Variants in CLEC2A observed in about 807,000 individuals in gnomAD.
CLEC2A encodes the protein keratinocyte-associated C-type lectin.
In CLEC2A, 19 loss-of-function variants were observed where a neutral mutation model predicts 18.6. That is an observed-to-expected ratio of 1.02 (90% CI 0.71 to 1.50). CLEC2A has a LOEUF of 1.50. CLEC2A is among the 40% of genes most tolerant of loss of function. The pLI, the probability that CLEC2A is intolerant of heterozygous loss-of-function variation, is 0.00. For missense variants in CLEC2A, 190 were observed against 207.9 expected (o/e 0.91, Z 0.53); for synonymous variants, 74 against 64.0 (o/e 1.16, Z -0.75).
intron 1 of CLEC2A, among the ~76,000 whole-genome samples, chr12:9,930,622 T>C (rs1175835614): frequency 5.3e-5 from 8 of 152,050 alleles, no homozygotes; most frequent in African/African-American, 1.7e-4. Flanking sequence ...ATGCATGTTT[T>C]TTTCTTATCT....
At chr12:9,905,460 T>C (rs1274050446) in intron 4 of CLEC2A, among the ~76,000 whole-genome samples, 6 of 152,174 alleles carry the variant, frequency 3.9e-5, no homozygotes, top group Non-Finnish European at 1.5e-5. Context: ...TTTGAGGAAT[T>C]GGTCTTTAGT....
rs1863390242 is a variant in CLEC2A, at chr12:9,932,357, T to C, written c.-28A>G. 2 of 1,551,238 alleles carry C rather than the reference T, an allele frequency of 1.3e-6. No individual in the cohort carries two copies. The highest frequency in any genetic ancestry group is 1.7e-6 in the Non-Finnish European group (2 of 1,146,598). On this transcript the variant is annotated 5_prime_UTR_variant, in exon 1 of 5. Coordinates refer to ENST00000455827, the MANE Select transcript of CLEC2A (RefSeq NM_001130711.2). The stretch of plus-strand genomic sequence containing the variant: ...CAAGGCGCTAACCGATGGAGATCAG[T>C]AGGAGAGGACTAGAAAGCTTTTCAT...
intron 4 of CLEC2A, among the ~76,000 whole-genome samples, chr12:9,915,878 T>TA (rs1240339965): frequency 6.6e-6 from 1 of 152,144 alleles, no homozygotes; most frequent in Non-Finnish European, 1.5e-5. Context: ...TAAAAATATA[T>TA]TTTTTAATTA....
At chr12:9,925,904 T>C (rs973280647) in intron 2 of CLEC2A, among the ~76,000 whole-genome samples, 1 of 152,172 alleles carries the variant, frequency 6.6e-6, no homozygotes, top group African/African-American at 2.4e-5. Flanking sequence ...GAATAGTCAT[T>C]GTCTCCGGGA....
At chr12:9,885,033 G>T in the CLEC2A span, 14 of 1,189,542 alleles carry the variant, frequency 1.2e-5, no homozygotes, top group Non-Finnish European at 1.5e-5. Context: ...AAGTTCTGGC[G>T]TGAGTAGTAA....
In CLEC2A at chr12:9,922,069, G is replaced by T. The variant is rs1464947774; in HGVS notation, c.303C>A (p.Asp101Glu). ...GAAGACTTTTCTGTTTTCTTACCAT[G>T]TCTTCTTGTGTATCAATCTGAGCAA... ...AELAQIDTQE[D>E]MEFLKRYAGT... The change falls in exon 3 of 5, where the codon GAC becomes GAA. Residue 101 changes from aspartate (D) to glutamate (E), a missense_variant. Asp to Glu is a conservative substitution (Grantham distance 45). Coordinates refer to ENST00000455827, the MANE Select transcript of CLEC2A (RefSeq NM_001130711.2). The T allele has an allele frequency of 6.5e-7, 1 of 1,535,204 alleles. No individual in the cohort carries two copies. Among genetic ancestry groups the T allele is most frequent in the Non-Finnish European group, 8.8e-7 (1 of 1,140,314 alleles).
chr12:9,907,018 G>T (rs557675683), intron 4 of CLEC2A, among the ~76,000 whole-genome samples: 3 of 152,248 alleles, frequency 2.0e-5, no homozygotes, highest in African/African-American at 7.2e-5. Flanking sequence ...TAACTTGATG[G>T]GGTAAGCTTA....
the CLEC2A span, among the ~76,000 whole-genome samples, chr12:9,890,751 A>G: frequency 1.3e-5 from 2 of 152,204 alleles, no homozygotes; most frequent in Admixed American, 6.5e-5. Flanking sequence ...GCTGTCTAAC[A>G]TAACCTAATC....
intron 2 of CLEC2A, among the ~76,000 whole-genome samples, chr12:9,922,516 A>G (rs1863191053): frequency 6.6e-6 from 1 of 152,170 alleles, no homozygotes; most frequent in African/African-American, 2.4e-5. Flanking sequence ...CAATGCATAA[A>G]ATGTAGCTAT....
At chr12:9,928,218 C>A (rs1211516820) in intron 1 of CLEC2A, among the ~76,000 whole-genome samples, 1 of 152,110 alleles carries the variant, frequency 6.6e-6, no homozygotes, top group Non-Finnish European at 1.5e-5. Flanking sequence ...GTAATCCCAG[C>A]ACTTTGGGAG....
the CLEC2A span, among the ~76,000 whole-genome samples, chr12:9,884,591 T>C: frequency 6.7e-6 from 1 of 148,680 alleles, no homozygotes; most frequent in Non-Finnish European, 1.5e-5. Flanking sequence ...TATGTTTACA[T>C]TGTATATATT....
intron 4 of CLEC2A, among the ~76,000 whole-genome samples, chr12:9,906,893 T>C (rs1565528280): frequency 6.6e-6 from 1 of 152,184 alleles, no homozygotes; most frequent in Non-Finnish European, 1.5e-5. Context: ...ACCTGCTGGG[T>C]TGAGTGAGTT....
chr12:9,887,408 G>A, the CLEC2A span, among the ~76,000 whole-genome samples: 3 of 152,040 alleles, frequency 2.0e-5, no homozygotes, highest in Non-Finnish European at 4.4e-5. Flanking sequence ...ATTTTTAAAC[G>A]CACCTAAAAA....
At chr12:9,889,730 A>G in the CLEC2A span, among the ~76,000 whole-genome samples, 1 of 151,906 alleles carries the variant, frequency 6.6e-6, no homozygotes, top group Admixed American at 6.6e-5. Flanking sequence ...GGTTGTGGCT[A>G]TGGAGAACTC....
At chr12:9,879,560 C>T in the CLEC2A span, among the ~76,000 whole-genome samples, 2 of 152,110 alleles carry the variant, frequency 1.3e-5, no homozygotes, top group South Asian at 4.1e-4. Flanking sequence ...GCTGCCTTGC[C>T]CAGGTGTATG....
At chr12:9,878,969 A>G in the CLEC2A span, among the ~76,000 whole-genome samples, 1 of 152,120 alleles carries the variant, frequency 6.6e-6, no homozygotes, top group African/African-American at 2.4e-5. Flanking sequence ...ACTGTTGACT[A>G]TAGATGTATT....
At chr12:9,917,324 A>C (rs1187081346) in intron 3 of CLEC2A, among the ~76,000 whole-genome samples, 1 of 152,186 alleles carries the variant, frequency 6.6e-6, no homozygotes, top group African/African-American at 2.4e-5. Context: ...CCCAAGTATT[A>C]AGCCCACTAA....
intron 4 of CLEC2A, among the ~76,000 whole-genome samples, chr12:9,908,098 C>T (rs1000218250): frequency 5.3e-5 from 8 of 152,124 alleles, no homozygotes; most frequent in East Asian, 1.9e-4. Context: ...CTTTAAATTA[C>T]GGGCCTCAAG....
intron 4 of CLEC2A, among the ~76,000 whole-genome samples, chr12:9,915,843 T>A (rs1863062198): frequency 6.6e-6 from 1 of 152,216 alleles, no homozygotes; most frequent in African/African-American, 2.4e-5. Context: ...CATTTTGCAT[T>A]TGTATCCCAG....
Sources: gnomAD v4.1 joint callset for allele counts (sites outside exome capture counted in the v4.1 genomes callset) on GRCh38, gnomAD v4.1.1 for gene constraint, MANE v1.5 for transcripts, NCBI Gene and HGNC (gene_info 2026-07-23, HGNC 2026-07-21) for gene names.